Variants in RPS12 observed in about 807,000 individuals in gnomAD.
RPS12 encodes ribosomal protein S12.
RPS12 carries 1 observed loss-of-function variant against 17.2 expected under a neutral mutation model. That is an observed-to-expected ratio of 0.06 (90% confidence interval 0.02 to 0.28). The LOEUF (loss-of-function observed/expected upper bound fraction) is 0.28, where lower values mean the gene tolerates loss of function less well. Ranked by LOEUF, RPS12 falls within the 10% of genes least tolerant of loss-of-function variation. The pLI, the probability that RPS12 is intolerant of heterozygous loss-of-function variation, is 1.00. For synonymous variants in RPS12, 67 were observed against 54.0 expected (o/e 1.24, Z -1.06); for missense variants, 146 against 162.1 (o/e 0.90, Z 0.54).
At position 132,815,017 on chromosome 6, in the gene RPS12, G is replaced by T; in HGVS notation, c.60G>T (p.Glu20Asp). The T allele has an allele frequency of 6.2e-7, 1 of 1,613,880 alleles. No homozygotes were observed. Among genetic ancestry groups the T allele is most frequent in the Non-Finnish European group, 8.5e-7 (1 of 1,179,798 alleles). Residue 20 changes from glutamate (E) to aspartate (D), a missense_variant, in exon 3 of 6, where the codon GAG (glutamate) becomes GAT (aspartate). Transcript: ENST00000230050. ...GVMDVNTALQ[E>D]VLKTALIHDG... is the part of the protein sequence containing the mutation. Reference sequence around the variant, plus strand: ...TGGACGTTAATACTGCTTTACAAGAGGTTCTGAAGACTGCCCTCATCCACG... The same window carrying T: ...TGGACGTTAATACTGCTTTACAAGATGTTCTGAAGACTGCCCTCATCCACG...
At position 132,817,208 on chromosome 6, in the gene RPS12, CTG is replaced by C. The variant is rs112737245; in HGVS notation, c.336+149_336+150del. On this transcript the variant is annotated intron_variant, in intron 5 of 5. Transcript: ENST00000230050. ...CTGCATTTCAGGAAAAAAATAAAAG[CTG>C]TAATTTACAAGCCAGCCAATGAATC... 4,738 of 775,068 alleles carry C rather than the reference CTG, an allele frequency of 6.1e-3. 131 individuals are homozygous for C. In the African/African-American group the frequency reaches 0.064, roughly 10 times the overall value. The allele number at this position is 775,068 out of a possible 1,614,324, so 48.0% of individuals were successfully genotyped here. A position where few individuals can be genotyped will look rare whatever the true frequency, so the allele number is the denominator to read the frequency against.
Position 132,816,494 on chromosome 6 carries a change from CTG to C in RPS12, c.168_169del (p.Cys56Ter). ...QAHLCVLASN[C>X]DEPMYVKLVE... ...CCCATCTTTGTGTGCTTGCATCCAA[CTG>C]TGATGAGCCTATGTATGTCAAGTTG... On this transcript the variant is annotated frameshift_variant, in exon 4 of 6. Transcript: ENST00000230050. LOFTEE classifies it high-confidence loss of function. 6.2e-7 allele frequency: 1 copy of C among 1,608,392 alleles called. No homozygotes were observed. The highest frequency in any genetic ancestry group is 8.5e-7 in the Non-Finnish European group (1 of 1,179,254).
chr6:132,815,171 G>A, intron 3 of RPS12, 83 bp downstream of exon 3: 5 of 903,446 alleles, frequency 5.5e-6, no homozygotes, highest in Non-Finnish European at 3.7e-6. Context: ...GGAGTTCATG[G>A]TGTTAGCGCA....
intron 4 of RPS12, 84 bp from the exon 5 acceptor site, chr6:132,816,876 G>A (rs766535120): frequency 1.4e-5 from 13 of 947,276 alleles, no homozygotes; most frequent in Non-Finnish European, 2.2e-5. Context: ...TCTGATTACA[G>A]CCACCTTTTG....
intron 3 of RPS12, 27 bp downstream of exon 3, chr6:132,815,115 G>C (rs1387041630): frequency 3.5e-6 from 5 of 1,434,096 alleles, no homozygotes; most frequent in Non-Finnish European, 4.9e-6. Context: ...CAATACTGTG[G>C]GTTCTTGCAA....
At chr6:132,816,077 G>GCC (rs111939480) in intron 3 of RPS12, 2 of 371,456 alleles carry the variant, frequency 5.4e-6, no homozygotes, top group South Asian at 4.1e-5. Context: ...CGGGTCATCT[G>GCC]CCCCCCTCGT....
chr6:132,817,230 T>G, intron 5 of RPS12, 169 bp downstream of exon 5: 1 of 768,324 alleles, frequency 1.3e-6, no homozygotes, highest in Non-Finnish European at 2.3e-6. Flanking sequence ...AGCCAGCCAA[T>G]GAATCTGCTT....
At chr6:132,814,855 G>A (rs1782006859) in intron 2 of RPS12, 73 bp downstream of exon 2, 5 of 1,488,594 alleles carry the variant, frequency 3.4e-6, no homozygotes, top group South Asian at 1.1e-5. Flanking sequence ...TGGCGGAACA[G>A]GACTGGGTCA....
At chr6:132,815,430 G>A (rs1782026724) in intron 3 of RPS12, 1 of 516,272 alleles carries the variant, frequency 1.9e-6, no homozygotes, top group Admixed American at 2.1e-5. Context: ...AGATAGATGA[G>A]ATGGAGAGCC....
chr6:132,815,658 A>G, intron 3 of RPS12: 2 of 456,692 alleles, frequency 4.4e-6, no homozygotes, highest in South Asian at 3.1e-5. Flanking sequence ...ATTTAAATGC[A>G]GTTTTAAGGT....
intron 2 of RPS12, 91 bp downstream of exon 2, chr6:132,814,873 C>T: frequency 1.4e-6 from 2 of 1,426,576 alleles, no homozygotes; most frequent in Non-Finnish European, 2.0e-6. Flanking sequence ...TCAAACGGGT[C>T]GCCGTAAGCG....
At chr6:132,815,756 G>C (rs182692192) in intron 3 of RPS12, 5 of 456,158 alleles carry the variant, frequency 1.1e-5, no homozygotes, top group African/African-American at 1.0e-4. Context: ...GTAGGTCCTA[G>C]TATGAGTCTT....
chr6:132,814,699 GTTCT>G, intron 1 of RPS12, 29 bp from the exon 2 acceptor site: 1 of 1,566,446 alleles, frequency 6.4e-7, no homozygotes, highest in Non-Finnish European at 8.8e-7. Flanking sequence ...CGAGTATCTG[GTTCT>G]TTAACAAGTC....
intron 5 of RPS12, chr6:132,817,278 G>T (rs752372374): frequency 5.2e-6 from 4 of 772,440 alleles, no homozygotes; most frequent in East Asian, 4.8e-5. Flanking sequence ...TTAAAAACTG[G>T]CAATAGTAAA....
chr6:132,816,425 GT>G, intron 3 of RPS12, 35 bp from the exon 4 acceptor site: 1 of 1,497,964 alleles, frequency 6.7e-7, no homozygotes. Flanking sequence ...TTGGATCTGA[GT>G]TTTAGCTCCA....
At chr6:132,815,367 G>A (rs1470340095) in intron 3 of RPS12, 2 of 610,812 alleles carry the variant, frequency 3.3e-6, no homozygotes, top group Non-Finnish European at 3.1e-6. Context: ...TGAAACATAA[G>A]AGTCTGACAA....
intron 4 of RPS12, 29 bp from the exon 5 acceptor site, chr6:132,816,928 ATTT>A (rs34924584): frequency 0.021 from 25,520 of 1,187,716 alleles, 705 homozygotes; most frequent in African/African-American, 0.16. Flanking sequence ...TATTAATGTG[ATTT>A]TTTTTTTTTT....
In RPS12 at chr6:132,815,400, C is replaced by T. The variant is rs543021333; in HGVS notation, c.131+312C>T. The T allele has an allele frequency of 3.1e-4, 173 of 555,996 alleles. 2 individuals carry two copies. The highest frequency in any genetic ancestry group is 2.3e-3 in the South Asian group (164 of 70,420). 34.4% of individuals were successfully genotyped at this position (555,996 alleles called of 1,614,324 possible). ...CAAACCTGTAGGTTGTGGAGCTAGT[C>T]AGTCTTATACTTATCTGGCAGATAG... On this transcript the variant is annotated intron_variant, in intron 3 of 5. Coordinates refer to ENST00000230050, the MANE Select transcript of RPS12 (RefSeq NM_001016.4).
intron 3 of RPS12, chr6:132,815,307 G>A (rs1447132409): frequency 2.8e-6 from 2 of 724,548 alleles, no homozygotes; most frequent in Admixed American, 3.5e-5. Context: ...AAACTACAGT[G>A]TTTGAATGAT....
Sources: gnomAD v4.1 joint callset for allele counts on GRCh38, gnomAD v4.1.1 for gene constraint, MANE v1.5 for transcripts, NCBI Gene and HGNC (gene_info 2026-07-23, HGNC 2026-07-21) for gene names.